CCDC146: variants seen among roughly 807,000 people sequenced by gnomAD.
CCDC146 encodes coiled-coil domain-containing protein 146.
In CCDC146, 92 loss-of-function variants were observed where a neutral mutation model predicts 119.3. The observed-to-expected ratio is 0.77, with a 90% CI of 0.65 to 0.92. CCDC146 has a LOEUF of 0.92. Ranked by LOEUF, CCDC146 falls within the 40% of genes least tolerant of loss-of-function variation. The pLI is 0.00. For missense variants in CCDC146, 1,000 were observed against 1,103.0 expected, an observed-to-expected ratio of 0.91 and a Z score of 1.32; for synonymous variants, 372 against 371.8, an observed-to-expected ratio of 1.00 and a Z score of -0.01.
chr7:77,250,453 G>A (rs1025019252), intron 4 of CCDC146, among the ~76,000 whole-genome samples: 8 of 152,200 alleles, frequency 5.3e-5, no homozygotes, highest in African/African-American at 1.7e-4. Flanking sequence ...AAGGTACAGA[G>A]CTTTAGTTTG....
chr7:77,122,995 T>C (rs1790644099), intron 1 of CCDC146, among the ~76,000 whole-genome samples: 1 of 147,744 alleles, frequency 6.8e-6, no homozygotes, highest in Non-Finnish European at 1.5e-5. Context: ...TTTAATTTGC[T>C]CACTTTAAAA....
intron 2 of CCDC146, among the ~76,000 whole-genome samples, chr7:77,223,834 A>C (rs1792452303): frequency 6.6e-6 from 1 of 152,020 alleles, no homozygotes; most frequent in Non-Finnish European, 1.5e-5. Context: ...GCACAGTCTA[A>C]TGGGGGGGTA....
At chr7:77,249,456 C>A (rs1490453977) in intron 4 of CCDC146, among the ~76,000 whole-genome samples, 1 of 148,638 alleles carries the variant, frequency 6.7e-6, no homozygotes, top group Admixed American at 6.7e-5. Flanking sequence ...CCACTGCACT[C>A]CAGCCTGGCG....
rs566427200 is a variant in CCDC146 at position 77,290,978 on chromosome 7, A to T, written c.2416-1974A>T. Among the ~76,000 whole-genome samples, 10 of 152,360 alleles carry T rather than the reference A, an allele frequency of 6.6e-5. 1 individual carries two copies. In the South Asian group the frequency reaches 1.2e-3, roughly 19 times the overall value. ...CCAAGAACAAAGAATGAAACAAACT[A>T]AGAGTTCATTCATTCCTTCATTCAG... On this transcript the variant is annotated intron_variant, in intron 17 of 18. Transcript: ENST00000285871.
intron 2 of CCDC146, among the ~76,000 whole-genome samples, chr7:77,218,513 C>T (rs1201646795): frequency 6.6e-6 from 1 of 151,770 alleles, no homozygotes; most frequent in African/African-American, 2.4e-5. Flanking sequence ...GCTGCATTTG[C>T]AACAGTGAAT....
chr7:77,221,390 G>A (rs1562837384), intron 2 of CCDC146, among the ~76,000 whole-genome samples: 1 of 152,192 alleles, frequency 6.6e-6, no homozygotes, highest in Admixed American at 6.5e-5. Context: ...CAGTCCATAT[G>A]ACCCATGATA....
At chr7:77,234,802 A>G (rs1419135092) in intron 2 of CCDC146, among the ~76,000 whole-genome samples, 3 of 152,288 alleles carry the variant, frequency 2.0e-5, no homozygotes, top group Middle Eastern at 6.8e-3. Flanking sequence ...AAGATATTTG[A>G]TACAGGTAGA....
chr7:77,158,565 G>C (rs1219319120), intron 1 of CCDC146, among the ~76,000 whole-genome samples: 1 of 152,004 alleles, frequency 6.6e-6, no homozygotes, highest in Non-Finnish European at 1.5e-5. Context: ...TGTTGCCCAG[G>C]CTGGAGTGCA....
At chr7:77,285,219 A>T (rs1254213776) in intron 15 of CCDC146, among the ~76,000 whole-genome samples, 3 of 152,206 alleles carry the variant, frequency 2.0e-5, no homozygotes, top group Non-Finnish European at 2.9e-5. Flanking sequence ...TTTTCCTCAA[A>T]TGCCAAGGGA....
At chr7:77,199,200 T>A in intron 2 of CCDC146, 1 of 1,613,888 alleles carries the variant, frequency 6.2e-7, no homozygotes, top group Non-Finnish European at 8.5e-7. Flanking sequence ...ACTGTATTTG[T>A]TCTTGGCTGG....
chr7:77,263,946 A>G (rs932290316), intron 9 of CCDC146, among the ~76,000 whole-genome samples: 2 of 152,206 alleles, frequency 1.3e-5, no homozygotes, highest in African/African-American at 2.4e-5. Context: ...GAAGTTTTCT[A>G]TCTCAGTGAG....
At chr7:77,184,469 T>G (rs1388177475) in intron 2 of CCDC146, among the ~76,000 whole-genome samples, 1 of 152,250 alleles carries the variant, frequency 6.6e-6, no homozygotes, top group African/African-American at 2.4e-5. Flanking sequence ...TGAATAAATT[T>G]ATTCCATATA....
chr7:77,152,384 A>G (rs577195712), intron 1 of CCDC146, among the ~76,000 whole-genome samples: 15 of 152,310 alleles, frequency 9.8e-5, no homozygotes, highest in Admixed American at 2.0e-4. Context: ...GAGAAAGACT[A>G]AAGTGGAGAT....
chr7:77,189,999 T>C (rs909955930), intron 2 of CCDC146, among the ~76,000 whole-genome samples: 3 of 152,202 alleles, frequency 2.0e-5, no homozygotes, highest in Non-Finnish European at 4.4e-5. Flanking sequence ...TTGTCTCTAC[T>C]ACCCGCTGCA....
chr7:77,181,399 C>CCT (rs1791586632), intron 2 of CCDC146, among the ~76,000 whole-genome samples: 3 of 152,016 alleles, frequency 2.0e-5, no homozygotes, highest in Non-Finnish European at 2.9e-5. Context: ...GAAAAGTGTG[C>CCT]CCTCAGGAGG....
At chr7:77,205,182 T>C (rs1264629713) in intron 2 of CCDC146, among the ~76,000 whole-genome samples, 7 of 152,202 alleles carry the variant, frequency 4.6e-5, no homozygotes, top group African/African-American at 1.7e-4. Context: ...ATTTCTCATA[T>C]TCATGGTAGT....
Position 77,274,515 on chromosome 7 carries a change from GAAC to G in CCDC146, c.1310_1312del (p.Gln437del), listed in dbSNP as rs773176681. 3.7e-6 allele frequency: 6 copies of G among 1,601,642 alleles called. No homozygotes were observed. The highest frequency in any genetic ancestry group is 1.1e-5 in the South Asian group (1 of 89,136). ...ATCAGAAATGGAGTCTAAGTTAGTAGAACAACAACTTGCAGAAGAAAACAAGCT... is the reference window on the plus strand; with the variant it reads ...ATCAGAAATGGAGTCTAAGTTAGTAGAACAACTTGCAGAAGAAAACAAGCT... On this transcript the variant is annotated inframe_deletion, in exon 11 of 19. Transcript: ENST00000285871.
chr7:77,180,298 C>A lies in CCDC146; in HGVS notation c.156+12474C>A, dbSNP rs1478180619. Among the ~76,000 whole-genome samples the A allele has an allele frequency of 2.0e-5, 3 of 151,744 alleles. 1 individual carries two copies. The highest frequency in any genetic ancestry group is 7.3e-5 in the African/African-American group (3 of 41,180). On this transcript the variant is annotated intron_variant, in intron 2 of 18. Coordinates refer to ENST00000285871, the MANE Select transcript of CCDC146 (RefSeq NM_020879.3). Reference sequence around the variant, plus strand: ...CAGACACACACACACACACACACCCCATATTTTGTTTATCCATTCATCCAC... The same window carrying A: ...CAGACACACACACACACACACACCCAATATTTTGTTTATCCATTCATCCAC...
intron 17 of CCDC146, among the ~76,000 whole-genome samples, chr7:77,290,008 A>G (rs1342121049): frequency 6.6e-6 from 1 of 152,232 alleles, no homozygotes; most frequent in African/African-American, 2.4e-5. Context: ...TCCATCAATG[A>G]TAGACTGGAT....
Sources: gnomAD v4.1 joint callset for allele counts (sites outside exome capture counted in the v4.1 genomes callset) on GRCh38, gnomAD v4.1.1 for gene constraint, MANE v1.5 for transcripts, NCBI Gene and HGNC (gene_info 2026-07-23, HGNC 2026-07-21) for gene names.